Variants in CYP26C1 observed in about 807,000 individuals in gnomAD.
CYP26C1 encodes the protein cytochrome P450 26C1.
A neutral mutation model predicts 39.1 loss-of-function variants in CYP26C1; 41 were observed. The ratio of observed to expected loss-of-function variants is 1.05; its 90% CI spans 0.82 to 1.36. CYP26C1 has a LOEUF of 1.36. Ranked by LOEUF, CYP26C1 falls within the 40% of genes most tolerant of loss-of-function variation. CYP26C1 has a pLI of 0.00. For synonymous variants in CYP26C1, 362 were observed against 350.8 expected, an observed-to-expected ratio of 1.03 and a Z score of -0.36; for missense variants, 833 against 752.0, an observed-to-expected ratio of 1.11 and a Z score of -1.26.
At chr10:93,064,604 C>A (rs761236964) in intron 4 of CYP26C1, 68 bp downstream of exon 4, 124 of 1,547,872 alleles carry the variant, frequency 8.0e-5, no homozygotes, top group Non-Finnish European at 1.0e-4. Flanking sequence ...ACCAATGCTG[C>A]ATCCCCAGAG....
intron 1 of CYP26C1, 99 bp downstream of exon 1, chr10:93,061,566 G>T (rs1025039769): frequency 7.0e-7 from 1 of 1,430,144 alleles, no homozygotes; most frequent in African/African-American, 1.4e-5. Flanking sequence ...TTTGTAGCCA[G>T]TCCCTGCCCA....
At position 93,068,456 on chromosome 10, in the gene CYP26C1, C is replaced by A. The variant is rs765561387; in HGVS notation, c.1328C>A (p.Ala443Asp). The A allele has an allele frequency of 1.9e-6, 3 of 1,611,694 alleles. No individual in the cohort carries two copies. The South Asian group carries it at 3.3e-5, about 18-fold the overall frequency. ...GCAGCGCGCGAAGATTCCCGGGGCGCCTCCAGCCGCTTCCATTACATCCCG... is the reference window on the plus strand; with the variant it reads ...GCAGCGCGCGAAGATTCCCGGGGCGACTCCAGCCGCTTCCATTACATCCCG... ...FGAAREDSRG[A>D]SSRFHYIPFG... Residue 443 changes from alanine (A) to aspartate (D), a missense_variant, in exon 6 of 6, where the codon GCC becomes GAC. Physicochemically the swap from Ala to Asp is moderately radical, Grantham distance 126. Coordinates refer to ENST00000651965, the MANE Select transcript of CYP26C1 (RefSeq NM_183374.3).
intron 3 of CYP26C1, chr10:93,063,210 G>A (rs1846775377): frequency 1.6e-6 from 2 of 1,278,474 alleles, no homozygotes; most frequent in African/African-American, 1.6e-5. Context: ...CCTGGGGCTG[G>A]CCACACGACC....
Position 93,068,422 on chromosome 10 carries a change from C to T in CYP26C1, c.1294C>T (p.Arg432Cys). 1 of 1,612,076 alleles carries T rather than the reference C, an allele frequency of 6.2e-7. No individual in the cohort carries two copies. The highest frequency in any genetic ancestry group is 1.1e-5 in the South Asian group (1 of 90,932). ...CCCTCCCGAAGGCTTCGATCCAGAG[C>T]GCTTCGGCGCAGCGCGCGAAGATTC... ...RSPPEGFDPE[R>C]FGAAREDSRG... The change falls in exon 6 of 6, where the codon CGC (arginine) becomes TGC (cysteine). Residue 432 changes from arginine to cysteine, a missense_variant. Arg to Cys is a radical substitution (Grantham distance 180, BLOSUM62 -3). Coordinates refer to ENST00000651965, the MANE Select transcript of CYP26C1 (RefSeq NM_183374.3).
chr10:93,064,316 G>C, intron 3 of CYP26C1, 65 bp from the exon 4 acceptor site: 2 of 1,527,374 alleles, frequency 1.3e-6, no homozygotes, highest in Non-Finnish European at 1.8e-6. Flanking sequence ...GGTTTTCTGG[G>C]TAAGTGGCCG....
chr10:93,067,013 A>G (rs573660368), intron 5 of CYP26C1, among the ~76,000 whole-genome samples: 79 of 152,380 alleles, frequency 5.2e-4, no homozygotes, highest in African/African-American at 1.9e-3. Context: ...GGCTGTGCCA[A>G]ACTGTGGGTG....
intron 4 of CYP26C1, 56 bp downstream of exon 4, chr10:93,064,592 A>C: frequency 6.4e-7 from 1 of 1,565,610 alleles, no homozygotes; most frequent in Middle Eastern, 1.9e-4. Flanking sequence ...GCAGGTCCCT[A>C]CACCAATGCT....
chr10:93,062,032 G>C lies in CYP26C1; in HGVS notation c.227G>C (p.Arg76Pro). The C allele has an allele frequency of 1.9e-6, 3 of 1,571,614 alleles. No homozygotes were observed. Among genetic ancestry groups the C allele is most frequent in the Non-Finnish European group, 1.7e-6 (2 of 1,159,124 alleles). ...LVQGSRFHSS[R>P]RERYGTVFKT... ...CAGGGCTCGCGCTTCCACAGTTCTC[G>C]CCGAGAGCGCTATGGGACAGTGTTC... Residue 76 changes from arginine (R) to proline (P), a missense_variant, in exon 2 of 6, where the codon CGC becomes CCC. Coordinates refer to ENST00000651965, the MANE Select transcript of CYP26C1 (RefSeq NM_183374.3).
At chr10:93,067,562 G>C (rs1394984214) in intron 5 of CYP26C1, among the ~76,000 whole-genome samples, 5 of 152,220 alleles carry the variant, frequency 3.3e-5, no homozygotes, top group Non-Finnish European at 7.3e-5. Flanking sequence ...AGAGAGGAAA[G>C]AGAGCTCCTG....
At chr10:93,063,582 C>A in intron 3 of CYP26C1, 1 of 985,658 alleles carries the variant, frequency 1.0e-6, no homozygotes, top group Non-Finnish European at 1.2e-6. Context: ...GCCTTTTGGT[C>A]CCCCTATTCT....
At chr10:93,063,348 G>A (rs1175110158) in intron 3 of CYP26C1, 4 of 1,065,208 alleles carry the variant, frequency 3.8e-6, no homozygotes, top group Admixed American at 1.1e-4. Context: ...CCCTGGGGCC[G>A]GCCTCCATCA....
Position 93,062,870 on chromosome 10 carries a change from G to A in CYP26C1, c.580G>A (p.Ala194Thr), listed in dbSNP as rs754257923. 1.9e-6 allele frequency: 3 copies of A among 1,603,334 alleles called. No individual in the cohort carries two copies. Among genetic ancestry groups the A allele is most frequent in the African/African-American group, 1.3e-5 (1 of 74,854 alleles). Residue 194 changes from alanine to threonine, a missense_variant, in exon 3 of 6, where the codon GCG becomes ACG. Coordinates refer to ENST00000651965, the MANE Select transcript of CYP26C1 (RefSeq NM_183374.3). The part of the protein sequence containing the change: ...ASKALTFRMA[A>T]RILLGLRLDE... Reference sequence around the variant, plus strand: ...CAAAGCGCTCACCTTCCGCATGGCCGCGCGCATCCTGCTGGGGTTGCGGCT... The same window carrying A: ...CAAAGCGCTCACCTTCCGCATGGCCACGCGCATCCTGCTGGGGTTGCGGCT...
rs199816632 is a variant in CYP26C1, at chr10:93,068,401, C to T, written c.1273C>T (p.Pro425Ser). The change falls in exon 6 of 6, where the codon CCC becomes TCC. Residue 425 changes from proline (P) to serine (S), a missense_variant. Coordinates refer to ENST00000651965, the MANE Select transcript of CYP26C1 (RefSeq NM_183374.3). ...HETAAVYRSP[P>S]EGFDPERFGA... ...GACGGCTGCGGTGTACCGCAGCCCT[C>T]CCGAAGGCTTCGATCCAGAGCGCTT... 8.1e-4 allele frequency: 1,311 copies of T among 1,609,844 alleles called. 1 individual carries two copies. Among genetic ancestry groups the T allele is most frequent in the Non-Finnish European group, 1.0e-3 (1,231 of 1,178,628 alleles).
At chr10:93,063,814 C>A (rs1181346769) in intron 3 of CYP26C1, 1 of 985,582 alleles carries the variant, frequency 1.0e-6, no homozygotes, top group Non-Finnish European at 1.2e-6. Flanking sequence ...AACCTCATCT[C>A]CTCCGACTAT....
At chr10:93,067,426 A>C (rs12256889) in intron 5 of CYP26C1, among the ~76,000 whole-genome samples, 86,844 of 152,108 alleles carry the variant, frequency 0.57, 27,254 homozygotes, top group Non-Finnish European at 0.7. Flanking sequence ...CTTGGAATGC[A>C]AGCTTCATTC....
chr10:93,067,663 T>C (rs1846845001), intron 5 of CYP26C1, among the ~76,000 whole-genome samples: 1 of 152,058 alleles, frequency 6.6e-6, no homozygotes, highest in South Asian at 2.1e-4. Flanking sequence ...GTCAGGGGGT[T>C]GGAAGACGTA....
At chr10:93,066,373 G>T (rs1346021530) in intron 5 of CYP26C1, 88 bp downstream of exon 5, 2 of 1,198,294 alleles carry the variant, frequency 1.7e-6, no homozygotes, top group Non-Finnish European at 2.1e-6. Flanking sequence ...CGGCGCCCAG[G>T]TGGGAGGAGG....
intron 3 of CYP26C1, chr10:93,064,038 A>G (rs1846784175): frequency 9.2e-7 from 1 of 1,090,790 alleles, no homozygotes. Flanking sequence ...GGCTGACCCT[A>G]GCCGCACTGG....
In CYP26C1 at chr10:93,066,199, G is replaced by A; in HGVS notation, c.1105G>A (p.Val369Ile). The stretch of plus-strand genomic sequence containing the variant: ...CGCGGCGCTGGGCCGTCTGCGCTAC[G>A]TCGACTGCGTGGTCAAGGAGGTGCT... ...SLAALGRLRY[V>I]DCVVKEVLRL... The change falls in exon 5 of 6, where the codon GTC (valine) becomes ATC (isoleucine). Residue 369 changes from valine to isoleucine, a missense_variant. Val to Ile is a conservative substitution (Grantham distance 29). Coordinates refer to ENST00000651965, the MANE Select transcript of CYP26C1 (RefSeq NM_183374.3). The A allele has an allele frequency of 6.8e-7, 1 of 1,475,084 alleles. No homozygotes were observed. Among genetic ancestry groups the A allele is most frequent in the Non-Finnish European group, 9.0e-7 (1 of 1,115,304 alleles). The allele number at this position is 1,475,084 out of a possible 1,614,324, so 91.4% of individuals were successfully genotyped here.
Sources: gnomAD v4.1 joint callset for allele counts (sites outside exome capture counted in the v4.1 genomes callset) on GRCh38, gnomAD v4.1.1 for gene constraint, MANE v1.5 for transcripts, NCBI Gene and HGNC (gene_info 2026-07-23, HGNC 2026-07-21) for gene names.